Variants in DENND1A observed in about 807,000 individuals in gnomAD.
DENND1A encodes the protein DENN domain containing 1A.
A neutral mutation model predicts 113.7 loss-of-function variants in DENND1A; 51 were observed. That is an observed-to-expected ratio of 0.45 (90% CI 0.36 to 0.57). The LOEUF (loss-of-function observed/expected upper bound fraction) is 0.57. Ranked by LOEUF, DENND1A falls within the 20% of genes least tolerant of loss-of-function variation. DENND1A has a pLI of 0.00. For synonymous variants in DENND1A, 565 were observed against 570.8 expected (o/e 0.99, Z 0.14); for missense variants, 1,258 against 1,395.9 (o/e 0.90, Z 1.57).
At chr9:123,838,958 A>C (rs1841439708) in intron 2 of DENND1A, among the ~76,000 whole-genome samples, 2 of 152,244 alleles carry the variant, frequency 1.3e-5, no homozygotes, top group South Asian at 2.1e-4. Flanking sequence ...CTCCACAAAA[A>C]GCCACACATG....
intron 9 of DENND1A, among the ~76,000 whole-genome samples, chr9:123,650,704 C>T (rs1393135781): frequency 1.3e-5 from 2 of 151,820 alleles, no homozygotes; most frequent in African/African-American, 2.4e-5. Context: ...GTCAAGAGTT[C>T]GAGACCAGCC....
chr9:123,395,496 C>CAGAG (rs143432983), intron 21 of DENND1A, among the ~76,000 whole-genome samples: 79 of 111,140 alleles, frequency 7.1e-4, no homozygotes, highest in South Asian at 4.0e-3. Flanking sequence ...GTGTGTGTGA[C>CAGAG]AGAGAGAGAG....
chr9:123,544,279 AAAC>A (rs2056496915), intron 13 of DENND1A, among the ~76,000 whole-genome samples: 1 of 152,260 alleles, frequency 6.6e-6, no homozygotes, highest in Non-Finnish European at 1.5e-5. Flanking sequence ...TCAAATATTT[AAAC>A]AACAAAATAT....
chr9:123,889,760 G>A (rs1175301602), intron 1 of DENND1A, among the ~76,000 whole-genome samples: 4 of 152,166 alleles, frequency 2.6e-5, no homozygotes, highest in African/African-American at 9.7e-5. Flanking sequence ...ATCACCTGAG[G>A]TCAGGAGTTC....
At chr9:123,517,548 G>T (rs184920431) in intron 13 of DENND1A, among the ~76,000 whole-genome samples, 8 of 150,580 alleles carry the variant, frequency 5.3e-5, no homozygotes, top group Non-Finnish European at 1.0e-4. Context: ...GAACCCAGGA[G>T]GGGGAGGTTG....
At chr9:123,771,607 G>A (rs1341727432) in intron 3 of DENND1A, among the ~76,000 whole-genome samples, 1 of 152,142 alleles carries the variant, frequency 6.6e-6, no homozygotes, top group Non-Finnish European at 1.5e-5. Flanking sequence ...ATTTTTGAAA[G>A]AAAGGACCCC....
chr9:123,414,477 G>T, intron 19 of DENND1A: 1 of 1,526,196 alleles, frequency 6.6e-7, no homozygotes, highest in Admixed American at 2.1e-5. Context: ...TGTCTGCTGA[G>T]AAACACCATC....
At chr9:123,386,449 T>G (rs2042568098) in intron 22 of DENND1A, among the ~76,000 whole-genome samples, 1 of 150,360 alleles carries the variant, frequency 6.7e-6, no homozygotes, top group Non-Finnish European at 1.5e-5. Context: ...CAGTGTGATC[T>G]CGGCTCACTG....
chr9:123,411,922 A>C, intron 19 of DENND1A, 93 bp from the exon 20 acceptor site: 1 of 895,250 alleles, frequency 1.1e-6, no homozygotes, highest in Non-Finnish European at 1.3e-6. Context: ...CCAGTCACCT[A>C]AGCCAGAGCC....
At chr9:123,850,657 C>G (rs565656684) in intron 2 of DENND1A, among the ~76,000 whole-genome samples, 1 of 152,262 alleles carries the variant, frequency 6.6e-6, no homozygotes, top group South Asian at 2.1e-4. Flanking sequence ...TGGCCTTGGA[C>G]AGATTACATA....
intron 13 of DENND1A, among the ~76,000 whole-genome samples, chr9:123,498,179 T>C (rs373285344): frequency 4.6e-5 from 7 of 152,190 alleles, no homozygotes; most frequent in Admixed American, 1.3e-4. Context: ...CATAGGAGGG[T>C]GGGAAAAATG....
chr9:123,887,883 A>G (rs1310336168), intron 1 of DENND1A, among the ~76,000 whole-genome samples: 2 of 152,194 alleles, frequency 1.3e-5, no homozygotes, highest in East Asian at 1.9e-4. Flanking sequence ...TGACTTATAC[A>G]AAGTTGGATT....
chr9:123,485,843 C>T (rs1185364162), intron 13 of DENND1A, among the ~76,000 whole-genome samples: 6 of 150,452 alleles, frequency 4.0e-5, no homozygotes, highest in Non-Finnish European at 7.3e-5. Flanking sequence ...TTGGCCTCCA[C>T]ATGCGGAGGC....
At chr9:123,652,837 AC>A (rs1478210926) in intron 8 of DENND1A, among the ~76,000 whole-genome samples, 1 of 152,110 alleles carries the variant, frequency 6.6e-6, no homozygotes, top group East Asian at 1.9e-4. Context: ...GCTTTTTTCC[AC>A]CCCTGTAGCC....
intron 13 of DENND1A, among the ~76,000 whole-genome samples, chr9:123,488,781 A>T (rs1268714804): frequency 6.6e-6 from 1 of 152,204 alleles, no homozygotes; most frequent in Admixed American, 6.5e-5. Context: ...TGCTCCACAA[A>T]CCGAGATAAA....
At chr9:123,605,762 A>G (rs1408807913) in intron 11 of DENND1A, among the ~76,000 whole-genome samples, 2 of 152,324 alleles carry the variant, frequency 1.3e-5, no homozygotes, top group East Asian at 3.9e-4. Flanking sequence ...TAACAATGCA[A>G]GTTTGTAATT....
chr9:123,735,600 A>C (rs2068503919), intron 5 of DENND1A, among the ~76,000 whole-genome samples: 1 of 152,220 alleles, frequency 6.6e-6, no homozygotes. Flanking sequence ...TTGTCCTCTC[A>C]TGAGTAACAA....
intron 13 of DENND1A, among the ~76,000 whole-genome samples, chr9:123,482,239 A>C (rs953941217): frequency 1.3e-5 from 2 of 152,188 alleles, no homozygotes; most frequent in African/African-American, 4.8e-5. Context: ...CTAGGATTAC[A>C]GGTGTGCACC....
At chr9:123,587,169 G>T (rs2059215125) in intron 11 of DENND1A, among the ~76,000 whole-genome samples, 1 of 151,966 alleles carries the variant, frequency 6.6e-6, no homozygotes, top group South Asian at 2.1e-4. Context: ...AGGGATTTAG[G>T]GTCATTTGAT....
Sources: gnomAD v4.1 joint callset for allele counts (sites outside exome capture counted in the v4.1 genomes callset) on GRCh38, gnomAD v4.1.1 for gene constraint, MANE v1.5 for transcripts, NCBI Gene and HGNC (gene_info 2026-07-23, HGNC 2026-07-21) for gene names.